Variants in CD36 observed in about 807,000 individuals in gnomAD.
CD36 encodes the protein CD36 molecule (CD36 blood group), also known as platelet glycoprotein 4.
CD36 carries 119 observed loss-of-function variants against 55.2 expected under a neutral mutation model. The observed-to-expected ratio is 2.15, with a 90% CI of 1.86 to 2.51. The LOEUF is 2.51. CD36 is among the 30% of genes most tolerant of loss of function. The pLI is 0.00. For synonymous variants in CD36, 186 were observed against 193.6 expected (o/e 0.96, Z 0.33); for missense variants, 819 against 555.5 (o/e 1.47, Z -4.77).
intron 3 of CD36, 116 bp downstream of exon 3, chr7:80,646,976 C>T: frequency 3.5e-6 from 4 of 1,157,776 alleles, no homozygotes; most frequent in Non-Finnish European, 5.1e-6. Flanking sequence ...GTATCTTTGA[C>T]ATAAAGGTAA....
intron 14 of CD36, among the ~76,000 whole-genome samples, chr7:80,674,834 A>C (rs1033728470): frequency 1.7e-4 from 26 of 152,196 alleles, no homozygotes; most frequent in African/African-American, 6.0e-4. Context: ...AATGTAAATA[A>C]AAGCAGTATG....
chr7:80,648,441 T>C (rs1323813079), intron 3 of CD36, among the ~76,000 whole-genome samples: 1 of 152,150 alleles, frequency 6.6e-6, no homozygotes, highest in Non-Finnish European at 1.5e-5. Flanking sequence ...TGATTTAATT[T>C]TTTTCTTTGT....
chr7:80,648,845 G>A (rs998810577), intron 3 of CD36, among the ~76,000 whole-genome samples: 2 of 152,144 alleles, frequency 1.3e-5, no homozygotes, highest in South Asian at 2.1e-4. Context: ...CATATTAAAG[G>A]ACTGATTGAT....
At chr7:80,660,968 T>C (rs1796468412) in intron 4 of CD36, 95 bp from the exon 5 acceptor site, 13 of 921,454 alleles carry the variant, frequency 1.4e-5, no homozygotes, top group Non-Finnish European at 2.3e-5. Flanking sequence ...GCATATTCTG[T>C]GTGTTCAAAA....
At chr7:80,635,276 G>GTTGTTT (rs10643354), upstream of CD36, among the ~76,000 whole-genome samples, 143,538 of 151,902 alleles carry the variant, frequency 0.94, 68,021 homozygotes, top group Middle Eastern at 0.98. Flanking sequence ...ATTATTTGTT[G>GTTGTTT]TTGTTTTTGT....
intron 4 of CD36, among the ~76,000 whole-genome samples, chr7:80,657,706 T>C (rs3211868): frequency 0.13 from 20,445 of 152,080 alleles, 2,016 homozygotes; most frequent in East Asian, 0.42. Context: ...CCAAAAACAC[T>C]ACCTTAACCA....
At position 80,663,113 on chromosome 7, in the gene CD36, C is replaced by A. The variant is rs142698840; in HGVS notation, c.553C>A (p.Pro185Thr). ...LRELLWGYRDPFLSLVPYPVT... is the reference protein window; with the variant it reads ...LRELLWGYRDTFLSLVPYPVT... ...AGAACTGTTATGGGGCTATAGGGAT[C>A]CATTTTTGAGTTTGGTTCCGTACCC... The change falls in exon 6 of 15, where the codon CCA becomes ACA. Residue 185 changes from proline to threonine, a missense_variant. By Grantham distance (38) the Pro-to-Thr change is conservative (BLOSUM62 -1). Coordinates refer to ENST00000447544, the MANE Select transcript of CD36 (RefSeq NM_001001548.3). The A allele has an allele frequency of 4.3e-6, 7 of 1,613,736 alleles. No homozygotes were observed. The highest frequency in any genetic ancestry group is 5.9e-6 in the Non-Finnish European group (7 of 1,179,812).
chr7:80,675,500 T>C (rs1798125105), intron 14 of CD36, among the ~76,000 whole-genome samples: 1 of 152,178 alleles, frequency 6.6e-6, no homozygotes, highest in Non-Finnish European at 1.5e-5. Context: ...TATTTATAGC[T>C]AAATTATAAT....
At chr7:80,637,148 T>G (rs182205374), upstream of CD36, 1 of 152,212 alleles carries the variant, frequency 6.6e-6, no homozygotes, top group Admixed American at 6.6e-5. Context: ...ATCTGAACCC[T>G]TTCGTTGGTA....
chr7:80,671,089 T>G lies in CD36; in HGVS notation c.931T>G (p.Cys311Gly), dbSNP rs1797629180. The change falls in exon 10 of 15, where the codon TGT (cysteine) becomes GGT (glycine). Residue 311 changes from cysteine (C) to glycine (G), a missense_variant. Cys to Gly is a radical substitution (Grantham distance 159). Coordinates refer to ENST00000447544, the MANE Select transcript of CD36 (RefSeq NM_001001548.3). Reference sequence around the variant, plus strand: ...TCCAGTTGAAAACCCAGACAACTATTGTTTCTGCACAGAAAAAATTATCTC... The same window carrying G: ...TCCAGTTGAAAACCCAGACAACTATGGTTTCTGCACAGAAAAAATTATCTC... Reference protein sequence around the residue: ...ASPVENPDNYCFCTEKIISKN... With the variant: ...ASPVENPDNYGFCTEKIISKN... 1 of 1,612,920 alleles carries G rather than the reference T, an allele frequency of 6.2e-7. No individual in the cohort carries two copies. The highest frequency in any genetic ancestry group is 8.5e-7 in the Non-Finnish European group (1 of 1,179,186).
intron 1 of CD36, among the ~76,000 whole-genome samples, chr7:80,606,937 C>T (rs1239408269): frequency 6.6e-6 from 1 of 152,094 alleles, no homozygotes; most frequent in African/African-American, 2.4e-5. Context: ...CCCCTTCAGT[C>T]TTCCAATCTT....
At chr7:80,658,783 A>C (rs1257497062) in intron 4 of CD36, among the ~76,000 whole-genome samples, 1 of 152,192 alleles carries the variant, frequency 6.6e-6, no homozygotes, top group African/African-American at 2.4e-5. Flanking sequence ...GGTGTGACCC[A>C]CCATGCCCGA....
Position 80,615,955 on chromosome 7 carries a change from T to G in CD36, c.-184+13576T>G, listed in dbSNP as rs1405848098. 2.0e-5 allele frequency among the ~76,000 whole-genome samples: 3 copies of G among 152,208 alleles called. No individual in the cohort carries two copies. The East Asian group carries it at 5.8e-4, about 29-fold the overall frequency. On this transcript the variant is annotated intron_variant, in intron 1 of 13. Transcript: ENST00000309881. ...ATAGAAGCTTGGACTTAATTTTATTTTGAATTTTGATTTAATTTTGATTTG... is the reference window on the plus strand; with the variant it reads ...ATAGAAGCTTGGACTTAATTTTATTGTGAATTTTGATTTAATTTTGATTTG...
At chr7:80,672,635 C>A in intron 11 of CD36, 135 bp from the exon 12 acceptor site, 1 of 655,262 alleles carries the variant, frequency 1.5e-6, no homozygotes, top group African/African-American at 1.8e-5. Context: ...ACTATATATG[C>A]AGTTTTAAAA....
At position 80,673,758 on chromosome 7, in the gene CD36, A is replaced by G. The variant is rs942915192; in HGVS notation, c.1255-225A>G. ...AGCAAATGAAACTGTTGACCCTTTGATAGTTCTGAAGAGCAAATGAATCCT... is the reference window on the plus strand; with the variant it reads ...AGCAAATGAAACTGTTGACCCTTTGGTAGTTCTGAAGAGCAAATGAATCCT... On this transcript the variant is annotated intron_variant, in intron 13 of 14. Coordinates refer to ENST00000447544, the MANE Select transcript of CD36 (RefSeq NM_001001548.3). The G allele has an allele frequency of 5.1e-5, 30 of 584,760 alleles. No individual in the cohort carries two copies. The East Asian group carries it at 6.6e-4, about 13-fold the overall frequency. The allele number at this position is 584,760 out of a possible 1,614,324, so 36.2% of individuals were successfully genotyped here. A position where few individuals can be genotyped will look rare whatever the true frequency, so the allele number is the denominator to read the frequency against.
At chr7:80,618,711 T>C (rs903726923) in intron 1 of CD36, among the ~76,000 whole-genome samples, 1 of 152,144 alleles carries the variant, frequency 6.6e-6, no homozygotes, top group Admixed American at 6.5e-5. Context: ...TTTACTCACT[T>C]CGATTCTGTG....
chr7:80,604,661 A>G (rs114256254), intron 1 of CD36, among the ~76,000 whole-genome samples: 1,590 of 151,902 alleles, frequency 0.01, 28 homozygotes, highest in African/African-American at 0.036. Context: ...CTCATTCACC[A>G]AGGACTCCAG....
intron 3 of CD36, among the ~76,000 whole-genome samples, chr7:80,651,475 T>C (rs949584456): frequency 1.3e-5 from 2 of 152,198 alleles, no homozygotes; most frequent in African/African-American, 4.8e-5. Flanking sequence ...GGTTTCTTTG[T>C]TCCTGTTAGA....
At chr7:80,637,697 T>C (rs1794522747), upstream of CD36, among the ~76,000 whole-genome samples, 1 of 152,100 alleles carries the variant, frequency 6.6e-6, no homozygotes. Context: ...ATGAACTAAA[T>C]ATATTTCTGT....
Sources: gnomAD v4.1 joint callset for allele counts (sites outside exome capture counted in the v4.1 genomes callset) on GRCh38, gnomAD v4.1.1 for gene constraint, MANE v1.5 for transcripts, NCBI Gene and HGNC (gene_info 2026-07-23, HGNC 2026-07-21) for gene names.